The following KIF26B variants were observed in gnomAD, a reference collection of about 807,000 sequenced individuals.
KIF26B encodes the protein kinesin-like protein KIF26B.
A neutral mutation model predicts 151.2 loss-of-function variants in KIF26B; 63 were observed. The observed-to-expected ratio is 0.42, with a 90% CI of 0.34 to 0.51. The LOEUF is 0.51. KIF26B is among the 20% of genes least tolerant of loss of function. KIF26B has a pLI of 0.07. For synonymous variants in KIF26B, 1,357 were observed against 1,262.1 expected (o/e 1.08, Z -1.59); for missense variants, 2,813 against 2,913.6 (o/e 0.97, Z 0.79).
intron 14 of KIF26B, among the ~76,000 whole-genome samples, chr1:245,699,558 A>G (rs1412805141): frequency 6.6e-6 from 1 of 151,900 alleles, no homozygotes; most frequent in Non-Finnish European, 1.5e-5. Context: ...GGATGACCAT[A>G]ACCATCTAAT....
rs559473711 is a variant in KIF26B, at chr1:245,184,648, T to C, written c.465+27965T>C. Among the ~76,000 whole-genome samples, 11 of 152,198 alleles carry C rather than the reference T, an allele frequency of 7.2e-5. 1 individual carries two copies. In the South Asian group the frequency reaches 2.3e-3, roughly 32 times the overall value. On this transcript the variant is annotated intron_variant, in intron 2 of 14. Transcript: ENST00000407071. ...TTTATGCAACAAATTAAATATGGAG[T>C]GTTACTTCTCATCACAAAATAATCT...
At chr1:245,305,877 T>C (rs376218555) in intron 2 of KIF26B, among the ~76,000 whole-genome samples, 31,201 of 143,526 alleles carry the variant, frequency 0.22, 3,460 homozygotes, top group Admixed American at 0.34. Context: ...GGCAGAGCTT[T>C]AGTGAGCCGA....
chr1:245,509,740 AG>A (rs1660793034), intron 4 of KIF26B, among the ~76,000 whole-genome samples: 1 of 152,192 alleles, frequency 6.6e-6, no homozygotes. Context: ...GGAGAAACAC[AG>A]GTGAACAGGG....
At chr1:245,362,151 C>G (rs1212361110) in intron 2 of KIF26B, among the ~76,000 whole-genome samples, 1 of 151,302 alleles carries the variant, frequency 6.6e-6, no homozygotes, top group Non-Finnish European at 1.5e-5. Context: ...CTCTGTGTCT[C>G]CTTGGTCCTT....
intron 2 of KIF26B, among the ~76,000 whole-genome samples, chr1:245,219,465 G>T (rs1669718942): frequency 6.6e-6 from 1 of 152,060 alleles, no homozygotes; most frequent in Non-Finnish European, 1.5e-5. Flanking sequence ...AGGCGCGGTA[G>T]CTCATGCCTG....
chr1:245,217,521 C>T (rs557923402), intron 2 of KIF26B, among the ~76,000 whole-genome samples: 8 of 151,826 alleles, frequency 5.3e-5, no homozygotes, highest in Non-Finnish European at 1.2e-4. Context: ...CCCATCACCA[C>T]GCCCAGCTAT....
intron 4 of KIF26B, among the ~76,000 whole-genome samples, chr1:245,490,306 ATTTTTTTTTTTTTT>A (rs57644744): frequency 1.2e-5 from 1 of 83,846 alleles, no homozygotes; most frequent in Non-Finnish European, 2.3e-5. Flanking sequence ...TCTGTAGAAC[ATTTTTTTTTTTTTT>A]TTTTTTTTTT....
At chr1:245,181,908 G>A (rs1393071431) in intron 2 of KIF26B, among the ~76,000 whole-genome samples, 4 of 152,136 alleles carry the variant, frequency 2.6e-5, no homozygotes, top group Non-Finnish European at 5.9e-5. Context: ...TAGTTTGGGT[G>A]CAGGCCTAAC....
At chr1:245,487,764 A>T (rs1194311751) in intron 4 of KIF26B, among the ~76,000 whole-genome samples, 3 of 132,650 alleles carry the variant, frequency 2.3e-5, no homozygotes, top group South Asian at 2.4e-4. Context: ...CATCCAGCTA[A>T]TTTTTTTTTT....
At chr1:245,449,969 A>G (rs139369729) in intron 4 of KIF26B, among the ~76,000 whole-genome samples, 2 of 152,324 alleles carry the variant, frequency 1.3e-5, no homozygotes, top group East Asian at 3.9e-4. Context: ...AGGAATGTCC[A>G]TATGTGGTAG....
intron 4 of KIF26B, among the ~76,000 whole-genome samples, chr1:245,475,606 C>G (rs904765929): frequency 2.6e-5 from 4 of 151,792 alleles, no homozygotes; most frequent in African/African-American, 9.7e-5. Flanking sequence ...TGATATTTCT[C>G]CAATCATATA....
chr1:245,414,916 A>G (rs1175073773), intron 3 of KIF26B, among the ~76,000 whole-genome samples: 1 of 152,220 alleles, frequency 6.6e-6, no homozygotes. Context: ...AACTGAGGTC[A>G]GATGGTAGAA....
intron 5 of KIF26B, among the ~76,000 whole-genome samples, chr1:245,565,049 A>G (rs1407912374): frequency 6.6e-6 from 1 of 152,140 alleles, no homozygotes; most frequent in Non-Finnish European, 1.5e-5. Flanking sequence ...TTACGTAGGG[A>G]TCACTTGAGC....
At chr1:245,293,927 T>C (rs553666086) in intron 2 of KIF26B, among the ~76,000 whole-genome samples, 3 of 152,360 alleles carry the variant, frequency 2.0e-5, no homozygotes, top group Middle Eastern at 3.4e-3. Context: ...TGGAATGTAG[T>C]CATTTTGCTT....
At chr1:245,387,075 C>T (rs987584290) in intron 3 of KIF26B, among the ~76,000 whole-genome samples, 5 of 152,000 alleles carry the variant, frequency 3.3e-5, no homozygotes, top group African/African-American at 7.3e-5. Flanking sequence ...TTTATAGGAA[C>T]GGTAATCCAG....
In KIF26B at chr1:245,187,112, C is replaced by A. The variant is rs1032079970; in HGVS notation, c.465+30429C>A. On this transcript the variant is annotated intron_variant, in intron 2 of 14. Transcript: ENST00000407071. Reference sequence around the variant, plus strand: ...CCTCATGATCTGTCCGCCTTGGACTCCCAAAGTGCCGGGATTACAGGTGTG... The same window carrying A: ...CCTCATGATCTGTCCGCCTTGGACTACCAAAGTGCCGGGATTACAGGTGTG... Among the ~76,000 whole-genome samples, 13 of 152,280 alleles carry A rather than the reference C, an allele frequency of 8.5e-5. 1 individual carries two copies. The East Asian group carries it at 2.5e-3, about 29-fold the overall frequency.
intron 2 of KIF26B, among the ~76,000 whole-genome samples, chr1:245,246,826 A>G (rs1006299201): frequency 6.6e-6 from 1 of 151,952 alleles, no homozygotes; most frequent in Non-Finnish European, 1.5e-5. Context: ...ACATTATAAT[A>G]TATATAGATG....
intron 2 of KIF26B, among the ~76,000 whole-genome samples, chr1:245,264,981 C>T (rs781269165): frequency 7.0e-4 from 106 of 151,562 alleles, no homozygotes; most frequent in Non-Finnish European, 8.7e-4. Context: ...GGGCAGATCA[C>T]AAGGTCAGGA....
chr1:245,607,066 CAAAAAAAAAA>C (rs35411674), intron 6 of KIF26B, among the ~76,000 whole-genome samples: 1 of 72,702 alleles, frequency 1.4e-5, no homozygotes, highest in South Asian at 5.3e-4. Context: ...AACTCCGTCT[CAAAAAAAAAA>C]AAAAAAAAAA....
Sources: gnomAD v4.1 joint callset for allele counts (sites outside exome capture counted in the v4.1 genomes callset) on GRCh38, gnomAD v4.1.1 for gene constraint, MANE v1.5 for transcripts, NCBI Gene and HGNC (gene_info 2026-07-23, HGNC 2026-07-21) for gene names.